The following RIMKLB variants were observed in gnomAD, a reference collection of about 807,000 sequenced individuals.
RIMKLB encodes the protein beta-citrylglutamate synthase B.
RIMKLB carries 7 observed loss-of-function variants against 32.0 expected under a neutral mutation model. The ratio of observed to expected loss-of-function variants is 0.22; its 90% confidence interval spans 0.12 to 0.41. RIMKLB has a LOEUF of 0.41. RIMKLB is among the 10% of genes least tolerant of loss of function. RIMKLB has a pLI of 1.00. For missense variants in RIMKLB, 289 were observed against 498.7 expected (o/e 0.58, Z 4.00); for synonymous variants, 172 against 185.1 (o/e 0.93, Z 0.57).
rs201063396 is a variant in RIMKLB at position 8,698,242 on chromosome 12, G to C, written c.-112G>C. 4 of 371,634 alleles carry C rather than the reference G, an allele frequency of 1.1e-5. No homozygotes were observed. In the East Asian group the frequency reaches 4.4e-4, roughly 41 times the overall value. The allele number at this position is 371,634 out of a possible 1,614,324, so 23.0% of individuals were successfully genotyped here. On this transcript the variant is annotated 5_prime_UTR_variant, in exon 1 of 6. Transcript: ENST00000535829. ...GCCGCCCGGCGGCCCGCGCTTCCTC[G>C]AAGGCCCCAGCCCGGCTCAGTCGGC... is the stretch of plus-strand genomic sequence containing the variant.
chr12:8,766,842 T>C (rs748972599), intron 5 of RIMKLB, among the ~76,000 whole-genome samples: 4 of 152,394 alleles, frequency 2.6e-5, no homozygotes, highest in African/African-American at 4.8e-5. Context: ...AATAGCCCCA[T>C]ACTTTAAGAT....
At chr12:8,768,472 G>T (rs141150850) in intron 5 of RIMKLB, among the ~76,000 whole-genome samples, 7 of 152,280 alleles carry the variant, frequency 4.6e-5, no homozygotes, top group African/African-American at 1.7e-4. Context: ...GGTTGCCTTA[G>T]AATGTTTTCA....
At chr12:8,699,106 G>T (rs1943153377) in intron 1 of RIMKLB, among the ~76,000 whole-genome samples, 1 of 152,058 alleles carries the variant, frequency 6.6e-6, no homozygotes, top group South Asian at 2.1e-4. Context: ...TTCTGTGAGG[G>T]GTTATTGCAC....
At chr12:8,719,352 G>A (rs906736436) in intron 2 of RIMKLB, among the ~76,000 whole-genome samples, 2 of 152,050 alleles carry the variant, frequency 1.3e-5, no homozygotes, top group Non-Finnish European at 2.9e-5. Context: ...TATAAATTAA[G>A]CTGGGTTTTT....
intron 4 of RIMKLB, among the ~76,000 whole-genome samples, chr12:8,753,450 G>A (rs1041784011): frequency 4.6e-5 from 7 of 152,140 alleles, no homozygotes; most frequent in Non-Finnish European, 1.0e-4. Flanking sequence ...TAGAGCAGTG[G>A]AACAGGCTAG....
chr12:8,730,682 G>A (rs971991735), intron 2 of RIMKLB, among the ~76,000 whole-genome samples: 2 of 152,200 alleles, frequency 1.3e-5, no homozygotes, highest in Non-Finnish European at 2.9e-5. Context: ...TGTGGAAAGG[G>A]TAGGGCAAGG....
chr12:8,707,153 A>G (rs1313862325), intron 1 of RIMKLB, among the ~76,000 whole-genome samples: 2 of 152,200 alleles, frequency 1.3e-5, no homozygotes, highest in Non-Finnish European at 2.9e-5. Flanking sequence ...CATTTCTGCA[A>G]CGGACACCAG....
chr12:8,712,429 TAAAAA>T (rs1413068705), intron 1 of RIMKLB, among the ~76,000 whole-genome samples: 2 of 152,042 alleles, frequency 1.3e-5, no homozygotes, highest in African/African-American at 4.8e-5. Context: ...AATAAATAAA[TAAAAA>T]TAAAAAGTTA....
chr12:8,771,985 T>C (rs1409516670), intron 5 of RIMKLB, among the ~76,000 whole-genome samples: 1 of 152,106 alleles, frequency 6.6e-6, no homozygotes, highest in Non-Finnish European at 1.5e-5. Context: ...ACCTCCTGGG[T>C]TCAAGCGATT....
the RIMKLB span, among the ~76,000 whole-genome samples, chr12:8,676,118 G>T: frequency 2.0e-5 from 3 of 152,088 alleles, no homozygotes; most frequent in Non-Finnish European, 4.4e-5. Flanking sequence ...TGTCACCCAG[G>T]CTGGAGTGCA....
upstream of RIMKLB, chr12:8,697,045 T>C (rs1199754193): frequency 6.6e-6 from 1 of 152,228 alleles, no homozygotes; most frequent in Non-Finnish European, 1.5e-5. Flanking sequence ...CTTTTATTTT[T>C]TATACATAGT....
At chr12:8,740,346 A>G (rs1947389063) in intron 2 of RIMKLB, among the ~76,000 whole-genome samples, 1 of 152,132 alleles carries the variant, frequency 6.6e-6, no homozygotes, top group African/African-American at 2.4e-5. Context: ...TATTTTTTAC[A>G]GTGTTTTTTA....
chr12:8,716,431 C>CTTTTTTTTTTTTTTTTTTTTTTTT (rs11307521), intron 2 of RIMKLB, among the ~76,000 whole-genome samples: 2 of 81,686 alleles, frequency 2.4e-5, no homozygotes, highest in Non-Finnish European at 2.4e-5. Context: ...ATTAACATGT[C>CTTTTTTTTTTTTTTTTTTTTTTTT]TTTTTTTTTT....
chr12:8,779,097 T>TA (rs1363530449), downstream of RIMKLB: 2 of 151,972 alleles, frequency 1.3e-5, no homozygotes, highest in African/African-American at 2.4e-5. Context: ...TACTAAAAAA[T>TA]AAAAAAAGGC....
At chr12:8,779,052 C>T (rs1331450574), downstream of RIMKLB, 2 of 152,192 alleles carry the variant, frequency 1.3e-5, no homozygotes, top group East Asian at 1.9e-4. Context: ...TTGGAATTTA[C>T]TTCCAGCTGC....
At chr12:8,727,296 A>G (rs1565583585) in intron 2 of RIMKLB, among the ~76,000 whole-genome samples, 1 of 152,166 alleles carries the variant, frequency 6.6e-6, no homozygotes, top group Non-Finnish European at 1.5e-5. Context: ...GTGCAGTGAC[A>G]TGATCTTGGC....
At chr12:8,693,097 G>A (rs919089586), upstream of RIMKLB, among the ~76,000 whole-genome samples, 3 of 152,210 alleles carry the variant, frequency 2.0e-5, no homozygotes, top group Non-Finnish European at 4.4e-5. Flanking sequence ...AACCCAGGGG[G>A]AAATGATTTG....
chr12:8,711,140 A>G (rs1944341467), intron 1 of RIMKLB, among the ~76,000 whole-genome samples: 1 of 152,114 alleles, frequency 6.6e-6, no homozygotes, highest in Non-Finnish European at 1.5e-5. Context: ...AGGCTGAGGC[A>G]GGAGAATTGC....
chr12:8,715,228 C>CCTTTTTTTTTTTTTTTTTTTTTTTTTTT (rs1445737752), intron 2 of RIMKLB, among the ~76,000 whole-genome samples: 9 of 123,740 alleles, frequency 7.3e-5, no homozygotes, highest in African/African-American at 3.0e-4. Context: ...TGCTCTTGTT[C>CCTTTTTTTTTTTTTTTTTTTTTTTTTTT]TTTTTTTTTT....
Sources: allele counts gnomAD v4.1 joint callset (sites outside exome capture counted in the v4.1 genomes callset), GRCh38; gene constraint gnomAD v4.1.1; transcripts MANE v1.5; gene names NCBI Gene and HGNC (gene_info 2026-07-23, HGNC 2026-07-21).